Variants in GPHN observed in about 807,000 individuals in gnomAD.
The protein encoded by GPHN is gephyrin.
In GPHN, 17 loss-of-function variants were observed where a neutral mutation model predicts 95.5. The observed-to-expected ratio is 0.18, with a 90% CI of 0.12 to 0.27. GPHN has a LOEUF of 0.27. Among genes scored for constraint, GPHN ranks in the 10% least tolerant of loss-of-function variants. GPHN has a pLI of 1.00. For missense variants in GPHN, 660 were observed against 978.1 expected (o/e 0.67, Z 4.34); for synonymous variants, 320 against 322.5 (o/e 0.99, Z 0.08).
At chr14:66,967,720 A>T (rs1007389324) in intron 9 of GPHN, among the ~76,000 whole-genome samples, 1 of 151,756 alleles carries the variant, frequency 6.6e-6, no homozygotes, top group Non-Finnish European at 1.5e-5. Flanking sequence ...TTATAATTTC[A>T]TATTAATTTA....
the GPHN span, among the ~76,000 whole-genome samples, chr14:67,432,845 A>T: frequency 1.3e-5 from 2 of 151,804 alleles, no homozygotes; most frequent in Non-Finnish European, 2.9e-5. Context: ...TGGTGGTCGC[A>T]TGTGGTGTTT....
At chr14:67,091,444 G>T (rs1320279821) in intron 12 of GPHN, among the ~76,000 whole-genome samples, 1 of 151,348 alleles carries the variant, frequency 6.6e-6, no homozygotes, top group Admixed American at 6.6e-5. Flanking sequence ...CATCTAAAAA[G>T]TAAATTCTGT....
chr14:67,057,368 C>G (rs1248938346), intron 10 of GPHN, among the ~76,000 whole-genome samples: 1 of 145,638 alleles, frequency 6.9e-6, no homozygotes. Context: ...CATGTTCTCA[C>G]TTAAAGTGGG....
chr14:67,500,720 C>T, the GPHN span, among the ~76,000 whole-genome samples: 6 of 151,444 alleles, frequency 4.0e-5, no homozygotes, highest in South Asian at 8.4e-4. Flanking sequence ...TACAGGCGCC[C>T]GCCACCACGC....
chr14:66,976,760 A>G (rs1747051409), intron 9 of GPHN, among the ~76,000 whole-genome samples: 1 of 152,192 alleles, frequency 6.6e-6, no homozygotes, highest in Admixed American at 6.5e-5. Context: ...TATAGTGGTA[A>G]TATGTGAAAA....
At chr14:66,839,945 A>G (rs910158080) in intron 4 of GPHN, among the ~76,000 whole-genome samples, 7 of 152,078 alleles carry the variant, frequency 4.6e-5, no homozygotes, top group African/African-American at 1.7e-4. Flanking sequence ...ACCCTCTTTA[A>G]TAAATAATAT....
the GPHN span, chr14:67,559,627 A>T: frequency 6.2e-7 from 1 of 1,600,842 alleles, no homozygotes; most frequent in Non-Finnish European, 8.5e-7. Flanking sequence ...AGGGCAGAGG[A>T]AGCAAAAACT....
chr14:67,182,283 G>A (rs1567462682), downstream of GPHN, among the ~76,000 whole-genome samples: 1 of 152,100 alleles, frequency 6.6e-6, no homozygotes, highest in Non-Finnish European at 1.5e-5. Flanking sequence ...AAACACAATA[G>A]GTAAAATATA....
chr14:67,323,965 G>A, the GPHN span, among the ~76,000 whole-genome samples: 2 of 152,172 alleles, frequency 1.3e-5, no homozygotes, highest in Non-Finnish European at 2.9e-5. Context: ...TGCCATGGTT[G>A]CCACTGGGTT....
chr14:67,592,224 C>T, the GPHN span: 1 of 257,172 alleles, frequency 3.9e-6, no homozygotes, highest in Non-Finnish European at 7.7e-6. Context: ...TGCTTGAACT[C>T]AGGAGTTCAA....
At chr14:66,563,028 G>A (rs1209797428) in intron 1 of GPHN, among the ~76,000 whole-genome samples, 2 of 151,998 alleles carry the variant, frequency 1.3e-5, no homozygotes, top group Admixed American at 6.6e-5. Flanking sequence ...TTAGGACATC[G>A]ACAGCTTTCG....
At chr14:67,395,711 C>T in the GPHN span, 5 of 668,736 alleles carry the variant, frequency 7.5e-6, no homozygotes, top group Admixed American at 2.7e-5. Context: ...CCCTCGGCCA[C>T]ATAGCAGGTA....
At chr14:66,674,119 G>A (rs987924687) in intron 1 of GPHN, among the ~76,000 whole-genome samples, 2 of 141,206 alleles carry the variant, frequency 1.4e-5, no homozygotes, top group African/African-American at 5.5e-5. Flanking sequence ...TTTTTTTTGA[G>A]ATGGAATCTC....
intron 2 of GPHN, among the ~76,000 whole-genome samples, chr14:66,696,452 T>G (rs757322448): frequency 1.3e-4 from 20 of 152,208 alleles, no homozygotes; most frequent in Admixed American, 5.9e-4. Flanking sequence ...GTTCTTGTTT[T>G]TGTGTGTGTG....
the GPHN span, among the ~76,000 whole-genome samples, chr14:67,524,700 C>G: frequency 2.0e-5 from 3 of 152,180 alleles, no homozygotes; most frequent in African/African-American, 7.2e-5. Flanking sequence ...TCCTTCAAGC[C>G]TTGGACAACC....
the GPHN span, among the ~76,000 whole-genome samples, chr14:67,223,372 A>G: frequency 3.3e-5 from 5 of 152,228 alleles, no homozygotes; most frequent in Non-Finnish European, 7.3e-5. Context: ...ATTCCAATCT[A>G]TACTACTGAA....
chr14:67,655,517 T>C, the GPHN span, among the ~76,000 whole-genome samples: 1 of 151,952 alleles, frequency 6.6e-6, no homozygotes, highest in East Asian at 1.9e-4. Context: ...AGACATTTTT[T>C]TCCCTATTAC....
At chr14:67,318,628 C>G in the GPHN span, among the ~76,000 whole-genome samples, 1 of 151,440 alleles carries the variant, frequency 6.6e-6, no homozygotes, top group Non-Finnish European at 1.5e-5. Context: ...ATTACATTTG[C>G]TGTTTATGAT....
chr14:66,760,241 G>A (rs2058711025), intron 2 of GPHN, among the ~76,000 whole-genome samples: 1 of 152,136 alleles, frequency 6.6e-6, no homozygotes, highest in African/African-American at 2.4e-5. Context: ...TGAATATTCA[G>A]TGAAAGAACA....
Sources: gnomAD v4.1 joint callset for allele counts (sites outside exome capture counted in the v4.1 genomes callset) on GRCh38, gnomAD v4.1.1 for gene constraint, MANE v1.5 for transcripts, NCBI Gene and HGNC (gene_info 2026-07-23, HGNC 2026-07-21) for gene names.